Variants in COMMD10 observed in about 807,000 individuals in gnomAD.
COMMD10 encodes COMM domain-containing protein 10.
Under a neutral mutation model 28.9 loss-of-function variants are expected in COMMD10, and 33 were observed. That is an observed-to-expected ratio of 1.14 (90% CI 0.87 to 1.53). The LOEUF (loss-of-function observed/expected upper bound fraction) is 1.53. Ranked by LOEUF, COMMD10 falls within the 40% of genes most tolerant of loss-of-function variation. The pLI, the probability that COMMD10 is intolerant of heterozygous loss-of-function variation, is 0.00. For synonymous variants in COMMD10, 110 were observed against 81.7 expected (o/e 1.35, Z -1.87); for missense variants, 310 against 233.4 (o/e 1.33, Z -2.14).
intron 5 of COMMD10, among the ~76,000 whole-genome samples, chr5:116,253,433 T>C (rs1256100459): frequency 6.6e-6 from 1 of 151,488 alleles, no homozygotes; most frequent in Non-Finnish European, 1.5e-5. Flanking sequence ...GGCTGTGGAT[T>C]TGTCATAGAT....
chr5:116,281,548 C>T (rs1751069483), intron 5 of COMMD10, among the ~76,000 whole-genome samples: 1 of 151,558 alleles, frequency 6.6e-6, no homozygotes, highest in Non-Finnish European at 1.5e-5. Context: ...ATGAGATCAG[C>T]ATAGACAATA....
chr5:116,155,309 G>A (rs1402741603), intron 5 of COMMD10, among the ~76,000 whole-genome samples: 1 of 152,006 alleles, frequency 6.6e-6, no homozygotes, highest in Non-Finnish European at 1.5e-5. Context: ...CTGATGACTT[G>A]GGTTGTTTGT....
At chr5:116,144,627 T>C (rs1752288158) in intron 5 of COMMD10, among the ~76,000 whole-genome samples, 1 of 151,816 alleles carries the variant, frequency 6.6e-6, no homozygotes, top group Non-Finnish European at 1.5e-5. Context: ...GAGGGCAGTA[T>C]TGGATGCTAT....
chr5:116,149,153 A>G (rs1422392832), intron 5 of COMMD10, among the ~76,000 whole-genome samples: 7 of 145,380 alleles, frequency 4.8e-5, no homozygotes, highest in African/African-American at 1.1e-4. Context: ...ATGATATCCA[A>G]TTTCATCCAT....
intron 4 of COMMD10, among the ~76,000 whole-genome samples, chr5:116,128,325 A>G (rs907566232): frequency 1.3e-5 from 2 of 152,018 alleles, no homozygotes; most frequent in Non-Finnish European, 2.9e-5. Flanking sequence ...CAGTTTTGGC[A>G]TGGGTTGAAA....
intron 5 of COMMD10, among the ~76,000 whole-genome samples, chr5:116,150,218 C>T (rs1351603890): frequency 5.9e-5 from 9 of 152,064 alleles, no homozygotes; most frequent in African/African-American, 2.2e-4. Flanking sequence ...TGATCTATAT[C>T]TCTGTTTTGG....
chr5:116,102,644 G>C (rs1053090334), intron 4 of COMMD10, among the ~76,000 whole-genome samples: 1 of 151,926 alleles, frequency 6.6e-6, no homozygotes, highest in African/African-American at 2.4e-5. Flanking sequence ...GATTGCTTTG[G>C]GCAGTATAGT....
intron 4 of COMMD10, among the ~76,000 whole-genome samples, chr5:116,129,268 G>A (rs942369943): frequency 2.7e-5 from 4 of 150,196 alleles, no homozygotes; most frequent in African/African-American, 4.9e-5. Context: ...TTTTTAATCT[G>A]TAAAATGGGG....
At position 116,225,714 on chromosome 5, in the gene COMMD10, T is replaced by A. The variant is rs1472557853; in HGVS notation, c.511-65803T>A. ...GCTTTGGGCCCTATACTCTGACACATCAAGCCTGTCTAGATTCATCTTTCT... is the reference window on the plus strand; with the variant it reads ...GCTTTGGGCCCTATACTCTGACACAACAAGCCTGTCTAGATTCATCTTTCT... On this transcript the variant is annotated intron_variant, in intron 5 of 6. Coordinates refer to ENST00000274458, the MANE Select transcript of COMMD10 (RefSeq NM_016144.4). 3.3e-5 allele frequency among the ~76,000 whole-genome samples: 5 copies of A among 152,092 alleles called. No individual in the cohort carries two copies. In the East Asian group the frequency reaches 9.6e-4, roughly 29 times the overall value.
chr5:116,123,194 C>T (rs906186967), intron 4 of COMMD10, among the ~76,000 whole-genome samples: 8 of 152,016 alleles, frequency 5.3e-5, no homozygotes, highest in Non-Finnish European at 1.5e-5. Flanking sequence ...TTTATTCCAA[C>T]AAAAGCCAAT....
At chr5:116,254,030 G>A (rs1353227032) in intron 5 of COMMD10, among the ~76,000 whole-genome samples, 5 of 152,148 alleles carry the variant, frequency 3.3e-5, no homozygotes, top group African/African-American at 7.2e-5. Flanking sequence ...TCTTGGGAGA[G>A]TATATGTGTC....
intron 4 of COMMD10, among the ~76,000 whole-genome samples, chr5:116,117,764 C>T (rs1751288950): frequency 6.6e-6 from 1 of 152,072 alleles, no homozygotes. Context: ...CCACACCTGG[C>T]CTGATTTTAG....
At chr5:116,229,359 C>T (rs1291596576) in intron 5 of COMMD10, among the ~76,000 whole-genome samples, 1 of 151,974 alleles carries the variant, frequency 6.6e-6, no homozygotes, top group Non-Finnish European at 1.5e-5. Context: ...ATAATCCTAG[C>T]AGGATCAACA....
intron 4 of COMMD10, among the ~76,000 whole-genome samples, chr5:116,104,689 G>C (rs915354524): frequency 6.6e-6 from 1 of 151,180 alleles, no homozygotes; most frequent in African/African-American, 2.4e-5. Context: ...GCACGATGTC[G>C]GCTCACTGTA....
intron 5 of COMMD10, among the ~76,000 whole-genome samples, chr5:116,239,799 C>T (rs547921319): frequency 1.3e-5 from 2 of 152,104 alleles, no homozygotes; most frequent in Non-Finnish European, 1.5e-5. Context: ...CTCCTGTTCT[C>T]GCAGAGTTTA....
chr5:116,176,157 G>C (rs1322277437), intron 5 of COMMD10, among the ~76,000 whole-genome samples: 2 of 152,126 alleles, frequency 1.3e-5, no homozygotes, highest in Non-Finnish European at 1.5e-5. Context: ...TGTCTCCCAG[G>C]CTGGAGTGCA....
intron 5 of COMMD10, among the ~76,000 whole-genome samples, chr5:116,145,167 A>G (rs966082475): frequency 7.9e-5 from 12 of 151,856 alleles, no homozygotes; most frequent in African/African-American, 2.9e-4. Flanking sequence ...AGGTTTGAGA[A>G]CAGAGGACAA....
chr5:116,194,473 C>G (rs1029194353), intron 5 of COMMD10, among the ~76,000 whole-genome samples: 2 of 152,026 alleles, frequency 1.3e-5, no homozygotes, highest in Non-Finnish European at 2.9e-5. Flanking sequence ...CACTAAGAAA[C>G]AAAACAGGAG....
intron 5 of COMMD10, among the ~76,000 whole-genome samples, chr5:116,185,542 AT>A (rs1748109442): frequency 6.9e-6 from 1 of 144,330 alleles, no homozygotes; most frequent in African/African-American, 2.5e-5. Context: ...GTTTGTGGGA[AT>A]GGGTGGGAGT....
Sources: allele counts gnomAD v4.1 joint callset (sites outside exome capture counted in the v4.1 genomes callset), GRCh38; gene constraint gnomAD v4.1.1; transcripts MANE v1.5; gene names NCBI Gene and HGNC (gene_info 2026-07-23, HGNC 2026-07-21).